ANAPC5: variants seen among roughly 807,000 people sequenced by gnomAD.
ANAPC5 encodes the protein anaphase promoting complex subunit 5, also known as anaphase-promoting complex subunit 5.
A neutral mutation model predicts 91.3 loss-of-function variants in ANAPC5; 60 were observed. That is an observed-to-expected ratio of 0.66 (90% CI 0.53 to 0.81). The LOEUF (loss-of-function observed/expected upper bound fraction) is 0.81, where lower values mean the gene tolerates loss of function less well. Among genes scored for constraint, ANAPC5 ranks in the 40% least tolerant of loss-of-function variants. The pLI is 0.00. For missense variants in ANAPC5, 690 were observed against 931.5 expected (o/e 0.74, Z 3.37); for synonymous variants, 340 against 364.1 (o/e 0.93, Z 0.75).
chr12:121,351,076 A>T, intron 1 of ANAPC5: 2 of 449,058 alleles, frequency 4.5e-6, no homozygotes, highest in Non-Finnish European at 4.5e-6. Flanking sequence ...CTGCAAAATG[A>T]AATAACACAT....
At chr12:121,311,252 C>T (rs1902158709) in intron 15 of ANAPC5, among the ~76,000 whole-genome samples, 1 of 151,742 alleles carries the variant, frequency 6.6e-6, no homozygotes, top group Non-Finnish European at 1.5e-5. Context: ...TGAGTGAGAC[C>T]CTGTCTCTAA....
At chr12:121,314,128 GC>G (rs1593573581) in intron 15 of ANAPC5, among the ~76,000 whole-genome samples, 1 of 152,292 alleles carries the variant, frequency 6.6e-6, no homozygotes, top group East Asian at 1.9e-4. Context: ...GGGGCTGGGC[GC>G]AGTGGCTCAC....
At chr12:121,312,706 C>CAAAAA (rs34791908) in intron 15 of ANAPC5, among the ~76,000 whole-genome samples, 34 of 51,804 alleles carry the variant, frequency 6.6e-4, no homozygotes, top group African/African-American at 2.0e-3. Flanking sequence ...GACTCTGTCA[C>CAAAAA]AAAAAAAAAA....
At chr12:121,321,006 T>A (rs1281987644) in intron 11 of ANAPC5, 1 of 151,944 alleles carries the variant, frequency 6.6e-6, no homozygotes, top group African/African-American at 2.4e-5. Context: ...TCCCAGCACT[T>A]TGGGAGGCCA....
chr12:121,336,964 A>C (rs1478890210), intron 6 of ANAPC5, among the ~76,000 whole-genome samples: 2 of 152,202 alleles, frequency 1.3e-5, no homozygotes, highest in Admixed American at 6.5e-5. Context: ...TCACGCCTGT[A>C]ATCCCAACAC....
intron 1 of ANAPC5, among the ~76,000 whole-genome samples, chr12:121,351,741 G>A (rs1249461380): frequency 6.6e-6 from 1 of 152,082 alleles, no homozygotes; most frequent in African/African-American, 2.4e-5. Flanking sequence ...ATAGGCGTGA[G>A]CCACTGCGCC....
chr12:121,318,180 T>G, intron 15 of ANAPC5, 97 bp downstream of exon 15: 1 of 1,365,898 alleles, frequency 7.3e-7, no homozygotes, highest in South Asian at 1.9e-5. Context: ...TATGAACAAA[T>G]GAAAACTCAT....
intron 6 of ANAPC5, 103 bp from the exon 7 acceptor site, chr12:121,335,826 C>T (rs1209207250): frequency 2.3e-5 from 21 of 926,606 alleles, no homozygotes; most frequent in Admixed American, 8.5e-5. Context: ...GTATCCCATA[C>T]CCTTCTAATA....
intron 16 of ANAPC5, 106 bp from the exon 17 acceptor site, chr12:121,308,797 T>C: frequency 3.2e-6 from 3 of 928,028 alleles, no homozygotes; most frequent in Non-Finnish European, 5.1e-6. Flanking sequence ...CAGAAGATTC[T>C]TTTATATTCT....
intron 8 of ANAPC5, 105 bp downstream of exon 8, chr12:121,331,242 G>A (rs1474627130): frequency 7.7e-6 from 7 of 910,574 alleles, no homozygotes; most frequent in Non-Finnish European, 1.2e-5. Context: ...TCCTTTTGCT[G>A]CTGAAGATCT....
chr12:121,349,237 G>A (rs1031204801), intron 1 of ANAPC5, among the ~76,000 whole-genome samples: 5 of 152,176 alleles, frequency 3.3e-5, no homozygotes, highest in Non-Finnish European at 7.3e-5. Flanking sequence ...GATGCTACTA[G>A]ATGAACTCTA....
At chr12:121,316,135 C>T (rs1902350341) in intron 15 of ANAPC5, among the ~76,000 whole-genome samples, 1 of 152,098 alleles carries the variant, frequency 6.6e-6, no homozygotes, top group Middle Eastern at 3.4e-3. Flanking sequence ...GGTAAAGGAT[C>T]GGAATAGACG....
chr12:121,346,604 GATGGACC>G (rs1346764047), intron 3 of ANAPC5: 4 of 276,152 alleles, frequency 1.4e-5, no homozygotes, highest in African/African-American at 6.6e-5. Context: ...CTCACTTACA[GATGGACC>G]ATGCAGGCAA....
chr12:121,352,847 C>G (rs1349417267), upstream of ANAPC5, among the ~76,000 whole-genome samples: 2 of 151,934 alleles, frequency 1.3e-5, no homozygotes, highest in Non-Finnish European at 2.9e-5. Context: ...ATCCTGGGCT[C>G]GAGCGATCCT....
intron 15 of ANAPC5, among the ~76,000 whole-genome samples, chr12:121,314,485 C>G (rs1247583575): frequency 6.6e-6 from 1 of 151,934 alleles, no homozygotes; most frequent in Non-Finnish European, 1.5e-5. Context: ...AATCCAATAC[C>G]TTTTCATGAA....
chr12:121,309,156 A>AAC (rs1287216937), intron 16 of ANAPC5, among the ~76,000 whole-genome samples: 5 of 149,302 alleles, frequency 3.3e-5, no homozygotes, highest in African/African-American at 1.2e-4. Context: ...CAAAAAAAAA[A>AAC]AAAAAAAAAA....
At chr12:121,337,493 G>A (rs1206304545) in intron 5 of ANAPC5, 101 bp from the exon 6 acceptor site, 4 of 873,662 alleles carry the variant, frequency 4.6e-6, no homozygotes, top group Non-Finnish European at 7.0e-6. Flanking sequence ...TTCTACAGGG[G>A]TCCCTTCAGG....
At chr12:121,309,287 T>A (rs889070888) in intron 16 of ANAPC5, among the ~76,000 whole-genome samples, 5 of 148,472 alleles carry the variant, frequency 3.4e-5, no homozygotes, top group African/African-American at 1.2e-4. Context: ...CTACTAAAAA[T>A]ACAAAAATTA....
intron 1 of ANAPC5, chr12:121,350,993 G>T: frequency 2.5e-6 from 1 of 398,612 alleles, no homozygotes; most frequent in Non-Finnish European, 4.9e-6. Flanking sequence ...TTCTACTATT[G>T]TTCCCATTTT....
Sources: gnomAD v4.1 joint callset for allele counts (sites outside exome capture counted in the v4.1 genomes callset) on GRCh38, gnomAD v4.1.1 for gene constraint, MANE v1.5 for transcripts, NCBI Gene and HGNC (gene_info 2026-07-23, HGNC 2026-07-21) for gene names.